The following COL6A1 variants were observed in gnomAD, a reference collection of about 807,000 sequenced individuals.
The protein encoded by COL6A1 is collagen alpha-1(VI) chain.
Under a neutral mutation model 145.6 loss-of-function variants are expected in COL6A1, and 80 were observed. The observed-to-expected ratio is 0.55, with a 90% CI of 0.46 to 0.66. COL6A1 has a LOEUF of 0.66. Among genes scored for constraint, COL6A1 ranks in the 30% least tolerant of loss-of-function variants. The probability of loss-of-function intolerance (pLI) is 0.00; values close to 1 mark genes in which losing one functional copy is unlikely to be tolerated. For missense variants in COL6A1, 1,364 were observed against 1,473.8 expected (o/e 0.93, Z 1.22); for synonymous variants, 638 against 622.8 (o/e 1.02, Z -0.36).
intron 11 of COL6A1, among the ~76,000 whole-genome samples, chr21:45,990,010 GGCGGTT>G (rs1181043762): frequency 2.1e-4 from 2 of 9,492 alleles, no homozygotes; most frequent in Non-Finnish European, 4.6e-4. Context: ...GGGTCCCCCG[GGCGGTT>G]ACCCTCTGCG....
rs1202956629 is a variant in COL6A1 at position 45,985,112 on chromosome 21, G to T, written c.428+643G>T. Among the ~76,000 whole-genome samples, 2 of 129,302 alleles carry T rather than the reference G, an allele frequency of 1.5e-5. 1 individual carries two copies. The allele number at this position is 129,302 out of a possible 152,430, so 84.8% of individuals were successfully genotyped here. A position where few individuals can be genotyped will look rare whatever the true frequency, so the allele number is the denominator to read the frequency against. ...GAGACAGAGAGACAGAGACAGAGGG[G>T]CAGAGACAGGCAGACAGAGAGACAG... On this transcript the variant is annotated intron_variant, in intron 3 of 34. Transcript: ENST00000361866.
intron 14 of COL6A1, 64 bp downstream of exon 14, chr21:45,990,890 G>T (rs1159056708): frequency 1.2e-6 from 2 of 1,609,192 alleles, no homozygotes; most frequent in Admixed American, 3.3e-5. Context: ...CGTGTGGACC[G>T]TTTTGACTTC....
At chr21:45,988,707 C>T (rs1048912638) in intron 8 of COL6A1, among the ~76,000 whole-genome samples, 1 of 152,170 alleles carries the variant, frequency 6.6e-6, no homozygotes, top group Admixed American at 6.5e-5. Flanking sequence ...TTAAAACTTG[C>T]CATGAGGCTG....
At chr21:45,992,639 C>T in intron 18 of COL6A1, 109 bp from the exon 19 acceptor site, 1 of 1,223,930 alleles carries the variant, frequency 8.2e-7, no homozygotes, top group Non-Finnish European at 1.2e-6. Context: ...GGTGGCCCCT[C>T]CCAGGGGTCC....
chr21:45,989,717 G>GC (rs752071319), intron 10 of COL6A1, 35 bp from the exon 11 acceptor site: 1 of 1,612,994 alleles, frequency 6.2e-7, no homozygotes, highest in Non-Finnish European at 8.5e-7. Context: ...GCACTAACAA[G>GC]CCTTCCTCTT....
chr21:45,999,901 A>ACGTGTGAGGATCATGGAGGG (rs1569518877), intron 27 of COL6A1, among the ~76,000 whole-genome samples: 4 of 27,630 alleles, frequency 1.4e-4, no homozygotes, highest in South Asian at 1.6e-3. Flanking sequence ...CATAGAGGGG[A>ACGTGTGAGGATCATGGAGGG]CATGTGAGGA....
chr21:46,001,756 G>A (rs2077846727), intron 30 of COL6A1, among the ~76,000 whole-genome samples: 1 of 151,828 alleles, frequency 6.6e-6, no homozygotes, highest in African/African-American at 2.4e-5. Context: ...CACCCTCTGG[G>A]CACCCGGAGC....
Position 46,000,548 on chromosome 21 carries a change from C to T in COL6A1, c.1813+181C>T, listed in dbSNP as rs538832704. Among the ~76,000 whole-genome samples the T allele has an allele frequency of 2.6e-5, 4 of 152,250 alleles. No homozygotes were observed. The East Asian group carries it at 7.7e-4, about 29-fold the overall frequency. ...CCTCCCAGGCCCCCGGGTCCCCGCA[C>T]AGGCTGAGAGTCCCCGGTGCGGTGC... On this transcript the variant is annotated intron_variant, in intron 28 of 34. Coordinates refer to ENST00000361866, the MANE Select transcript of COL6A1 (RefSeq NM_001848.3).
At chr21:45,989,031 G>A (rs2077758864) in intron 8 of COL6A1, 53 bp from the exon 9 acceptor site, 1 of 1,596,986 alleles carries the variant, frequency 6.3e-7, no homozygotes, top group Admixed American at 1.8e-5. Context: ...TCGTGAGCCA[G>A]CTTTTTAGAA....
chr21:45,993,704 G>C (rs2077789426), intron 19 of COL6A1, among the ~76,000 whole-genome samples: 1 of 152,184 alleles, frequency 6.6e-6, no homozygotes, highest in South Asian at 2.1e-4. Flanking sequence ...CCGTGGAGGG[G>C]TCGGGGGGAC....
chr21:45,992,499 C>A, intron 18 of COL6A1, 101 bp downstream of exon 18: 1 of 1,397,950 alleles, frequency 7.2e-7, no homozygotes, highest in Non-Finnish European at 9.9e-7. Context: ...AGAGCCATGG[C>A]CTCCTGCCCA....
chr21:45,982,829 C>T (rs2077715774), intron 2 of COL6A1, 66 bp downstream of exon 2: 7 of 1,595,162 alleles, frequency 4.4e-6, no homozygotes, highest in Non-Finnish European at 6.0e-6. Flanking sequence ...GGGTGGGGGC[C>T]CAGGGGAACA....
intron 2 of COL6A1, among the ~76,000 whole-genome samples, chr21:45,982,984 G>T (rs2077717026): frequency 6.6e-6 from 1 of 152,244 alleles, no homozygotes; most frequent in Non-Finnish European, 1.5e-5. Context: ...GCCTTCCAGA[G>T]TGAGCTGGTT....
Position 46,002,847 on chromosome 21 carries a change from C to G in COL6A1, c.2434+137C>G, listed in dbSNP as rs935295346. The G allele has an allele frequency of 6.7e-6, 8 of 1,195,832 alleles. No individual in the cohort carries two copies. In the Admixed American group the frequency reaches 1.6e-4, roughly 24 times the overall value. The allele number at this position is 1,195,832 out of a possible 1,614,324, so 74.1% of individuals were successfully genotyped here. A position where few individuals can be genotyped will look rare whatever the true frequency, so the allele number is the denominator to read the frequency against. ...TCTGCGTAGGTGCACGCGGGGCCGCCCAGGGCCGTCCCAGATCTGTGTAGG... is the reference window on the plus strand; with the variant it reads ...TCTGCGTAGGTGCACGCGGGGCCGCGCAGGGCCGTCCCAGATCTGTGTAGG... On this transcript the variant is annotated intron_variant, in intron 33 of 34. Coordinates refer to ENST00000361866, the MANE Select transcript of COL6A1 (RefSeq NM_001848.3).
At chr21:45,991,092 C>A in intron 15 of COL6A1, 51 bp downstream of exon 15, 1 of 1,591,712 alleles carries the variant, frequency 6.3e-7, no homozygotes, top group Non-Finnish European at 8.6e-7. Flanking sequence ...GTTGGCCAAG[C>A]GCTGAATTGG....
intron 26 of COL6A1, 108 bp from the exon 27 acceptor site, chr21:45,999,548 AG>A: frequency 1.0e-6 from 1 of 996,002 alleles, no homozygotes; most frequent in South Asian, 1.3e-5. Context: ...GGGACCGGGC[AG>A]GGGTGGGCTT....
intron 8 of COL6A1, among the ~76,000 whole-genome samples, chr21:45,988,664 A>C (rs939818725): frequency 6.6e-6 from 1 of 152,136 alleles, no homozygotes; most frequent in African/African-American, 2.4e-5. Flanking sequence ...CTCACATAGG[A>C]TGACCTTAAA....
chr21:45,987,238 G>A, intron 6 of COL6A1, 63 bp downstream of exon 6: 1 of 1,579,324 alleles, frequency 6.3e-7, no homozygotes. Flanking sequence ...ACGTCCACCT[G>A]TGTGTTCAGG....
chr21:45,984,381 A>G lies in COL6A1; in HGVS notation c.340A>G (p.Lys114Glu), dbSNP rs763049658. The G allele has an allele frequency of 1.2e-5, 20 of 1,612,618 alleles. No individual in the cohort carries two copies. In the Admixed American group the frequency reaches 3.0e-4, roughly 24 times the overall value. Reference sequence around the variant, plus strand: ...CATGCCTGGCGGCCGCGACGCACTCAAAAGCAGCGTGGACGCGGTCAAGTA... The same window carrying G: ...CATGCCTGGCGGCCGCGACGCACTCGAAAGCAGCGTGGACGCGGTCAAGTA... ...TRMPGGRDAL[K>E]SSVDAVKYFG... Residue 114 changes from lysine (K) to glutamate (E), a missense_variant, in exon 3 of 35, where the codon AAA becomes GAA. Physicochemically the swap from Lys to Glu is moderately conservative, Grantham distance 56. Around this residue, in one of 3 missense-constraint regions of COL6A1, gnomAD observed 414 missense variants for 437.6 expected, o/e 0.95. Transcript: ENST00000361866.
Sources: allele counts gnomAD v4.1 joint callset (sites outside exome capture counted in the v4.1 genomes callset), GRCh38; gene constraint gnomAD v4.1.1; regional missense constraint gnomAD v4.1.1; transcripts MANE v1.5; gene names NCBI Gene and HGNC (gene_info 2026-07-23, HGNC 2026-07-21).